Variants in DHRS7 observed in about 807,000 individuals in gnomAD.
DHRS7 encodes dehydrogenase/reductase SDR family member 7.
DHRS7 carries 34 observed loss-of-function variants against 38.9 expected under a neutral mutation model. That is an observed-to-expected ratio of 0.87 (90% CI 0.66 to 1.16). DHRS7 has a LOEUF of 1.16. Ranked by LOEUF, DHRS7 falls within the 50% of genes most tolerant of loss-of-function variation. The pLI, the probability that DHRS7 is intolerant of heterozygous loss-of-function variation, is 0.00. For synonymous variants in DHRS7, 158 were observed against 153.1 expected (o/e 1.03, Z -0.24); for missense variants, 421 against 407.0 (o/e 1.03, Z -0.30).
Position 60,148,313 on chromosome 14 carries a change from T to TA in DHRS7, c.972+1039dup, listed in dbSNP as rs1268991377. On this transcript the variant is annotated intron_variant, in intron 6 of 6. Transcript: ENST00000557185. This position sits in a 1 kb window ranked among gnomAD's most constrained non-coding sequence, Gnocchi z 4.8. ...CTGTCAATCCCCATTGATTAATTTC[T>TA]AAAAGAAGGTGGTAACAAAGTATAT... The TA allele has an allele frequency of 6.6e-6, 1 of 152,230 alleles. No homozygotes were observed. The highest frequency in any genetic ancestry group is 1.9e-4 in the East Asian group (1 of 5,202). 9.4% of individuals were successfully genotyped at this position (152,230 alleles called of 1,614,324 possible). A position where few individuals can be genotyped will look rare whatever the true frequency, so the allele number is the denominator to read the frequency against.
upstream of DHRS7, chr14:60,168,889 C>T: frequency 9.3e-7 from 1 of 1,079,560 alleles, no homozygotes; most frequent in Non-Finnish European, 1.3e-6. Flanking sequence ...AACACTTAGG[C>T]ATTGAAAGTG....
At chr14:60,159,715 C>G (rs1896725155) in intron 1 of DHRS7, among the ~76,000 whole-genome samples, 1 of 151,942 alleles carries the variant, frequency 6.6e-6, no homozygotes, top group Non-Finnish European at 1.5e-5. Context: ...GATTCATGTA[C>G]CCTATCCATC....
chr14:60,150,264 T>C (rs747221020), intron 4 of DHRS7, 77 bp from the exon 5 acceptor site: 244 of 1,354,354 alleles, frequency 1.8e-4, no homozygotes, highest in Non-Finnish European at 2.3e-4. Flanking sequence ...CAAAATATGT[T>C]CTAAAATGTG....
rs1349171699 is a variant in DHRS7 at position 60,144,800 on chromosome 14, T to A, written c.*166A>T. ...ACCTTTTTTGCAAGATTCATGGCAA[T>A]CTTTTATTATTTATTTTTTATTTCA... is the stretch of plus-strand genomic sequence containing the variant. On this transcript the variant is annotated 3_prime_UTR_variant, in exon 7 of 7. Transcript: ENST00000557185. 1 of 636,782 alleles carries A rather than the reference T, an allele frequency of 1.6e-6. No individual in the cohort carries two copies. The highest frequency in any genetic ancestry group is 2.7e-6 in the Non-Finnish European group (1 of 364,652). 39.4% of individuals were successfully genotyped at this position (636,782 alleles called of 1,614,324 possible). A position where few individuals can be genotyped will look rare whatever the true frequency, so the allele number is the denominator to read the frequency against.
chr14:60,165,227 G>A lies in DHRS7; in HGVS notation c.83C>T (p.Ala28Val). The change falls in exon 1 of 7, where the codon GCT (alanine) becomes GTT (valine). Residue 28 changes from alanine to valine, a missense_variant. By Grantham distance (64) the Ala-to-Val change is moderately conservative (BLOSUM62 0). Transcript: ENST00000557185. This position sits in a 1 kb window ranked among gnomAD's most constrained non-coding sequence, Gnocchi z 4.6. ...LLVQLLRFLR[A>V]DGDLTLLWAE... ...CCATAGTAGCGTCAGGTCGCCGTCA[G>A]CCCTCAGGAAGCGCAGCAGCTGCAC... 6.2e-7 allele frequency: 1 copy of A among 1,611,830 alleles called. No homozygotes were observed. The highest frequency in any genetic ancestry group is 8.5e-7 in the Non-Finnish European group (1 of 1,179,724).
Position 60,145,067 on chromosome 14 carries a change from T to C in DHRS7, c.973-54A>G, listed in dbSNP as rs565753300. ...AGTACCTACTCCTATTTACTCCAGT[T>C]TTTAACATTTAAGTCCTTCTGTTTT... On this transcript the variant is annotated intron_variant, in intron 6 of 6. Coordinates refer to ENST00000557185, the MANE Select transcript of DHRS7 (RefSeq NM_016029.4). The surrounding 1 kb of genome is among the most constrained non-coding windows in gnomAD (Gnocchi z 4.0). The C allele has an allele frequency of 1.0e-5, 13 of 1,267,084 alleles. No individual in the cohort carries two copies. In the Admixed American group the frequency reaches 2.6e-4, roughly 25 times the overall value. 78.5% of individuals were successfully genotyped at this position (1,267,084 alleles called of 1,614,324 possible).
chr14:60,155,932 C>T (rs1460173483), intron 2 of DHRS7, 68 bp downstream of exon 2: 1 of 1,360,466 alleles, frequency 7.4e-7, no homozygotes, highest in Non-Finnish European at 9.6e-7. Context: ...CTAAAAGTCC[C>T]AAAACTGTAT....
upstream of DHRS7, chr14:60,165,588 CATG>C: frequency 8.1e-7 from 1 of 1,230,780 alleles, no homozygotes; most frequent in Non-Finnish European, 1.0e-6. The surrounding 1 kb of genome is among the most constrained non-coding windows in gnomAD (Gnocchi z 4.6). Flanking sequence ...GCCTGGGCAA[CATG>C]AGGAAACCCT....
At chr14:60,149,826 A>G (rs1376730949) in intron 5 of DHRS7, among the ~76,000 whole-genome samples, 2 of 152,170 alleles carry the variant, frequency 1.3e-5, no homozygotes, top group South Asian at 2.1e-4. Context: ...TTAGAATTGC[A>G]TCACCCTAAT....
chr14:60,156,039 T>C lies in DHRS7; in HGVS notation c.247A>G (p.Arg83Gly). ...LGVSLVLSAR[R>G]VHELERVKRR... ...TTCACCCTTTCCAGCTCATGCACTC[T>C]TCTGGCTGACAGCACAAGAGAAACT... Residue 83 changes from arginine to glycine, a missense_variant, in exon 2 of 7, where the codon AGA becomes GGA. Coordinates refer to ENST00000557185, the MANE Select transcript of DHRS7 (RefSeq NM_016029.4). 6.2e-7 allele frequency: 1 copy of C among 1,601,378 alleles called. No homozygotes were observed. The highest frequency in any genetic ancestry group is 8.5e-7 in the Non-Finnish European group (1 of 1,174,102).
Position 60,160,981 on chromosome 14 carries a change from T to C in DHRS7, c.133+4196A>G, listed in dbSNP as rs543603134. ...ATATTTCTACTCAGCAGATTAACTT[T>C]TGCAAAATTCCTTAAGAATGTATTA... On this transcript the variant is annotated intron_variant, in intron 1 of 6. Transcript: ENST00000557185. 6.6e-5 allele frequency among the ~76,000 whole-genome samples: 10 copies of C among 152,286 alleles called. No individual in the cohort carries two copies. The South Asian group carries it at 2.1e-3, about 32-fold the overall frequency.
At chr14:60,165,421 C>A, upstream of DHRS7, 5 of 1,425,178 alleles carry the variant, frequency 3.5e-6, no homozygotes, top group Non-Finnish European at 4.6e-6. This position sits in a 1 kb window ranked among gnomAD's most constrained non-coding sequence, Gnocchi z 4.6. Context: ...GCCGCACTGC[C>A]CCGGCTCCGC....
At chr14:60,168,683 C>A (rs756974194), upstream of DHRS7, 138 of 1,546,506 alleles carry the variant, frequency 8.9e-5, no homozygotes, top group Non-Finnish European at 1.2e-4. Flanking sequence ...TTTTTTCTCC[C>A]CTCTCCAGCC....
At chr14:60,168,258 T>C (rs1896890850), upstream of DHRS7, among the ~76,000 whole-genome samples, 1 of 152,242 alleles carries the variant, frequency 6.6e-6, no homozygotes. Flanking sequence ...CACAGTATCT[T>C]GGGTCTCTTA....
upstream of DHRS7, among the ~76,000 whole-genome samples, chr14:60,165,783 C>G (rs1355705948): frequency 6.6e-6 from 1 of 152,140 alleles, no homozygotes; most frequent in Non-Finnish European, 1.5e-5. This position sits in a 1 kb window ranked among gnomAD's most constrained non-coding sequence, Gnocchi z 4.6. Context: ...AGAACATCCC[C>G]TTTTCAAGCT....
chr14:60,150,746 T>G (rs1022878818), intron 4 of DHRS7, among the ~76,000 whole-genome samples: 2 of 152,184 alleles, frequency 1.3e-5, no homozygotes, highest in African/African-American at 4.8e-5. Flanking sequence ...TTCCAAGTCT[T>G]TGCTATTGTG....
At position 60,144,830 on chromosome 14, in the gene DHRS7, A is replaced by G. The variant is rs1376011105; in HGVS notation, c.*136T>C. 1 of 745,898 alleles carries G rather than the reference A, an allele frequency of 1.3e-6. No homozygotes were observed. The highest frequency in any genetic ancestry group is 2.3e-5 in the Admixed American group (1 of 44,104). 46.2% of individuals were successfully genotyped at this position (745,898 alleles called of 1,614,324 possible). On this transcript the variant is annotated 3_prime_UTR_variant, in exon 7 of 7. Transcript: ENST00000557185. ...TATTATTTATTTTTTATTTCATTCCATGTTGGAAGCAAAGTCATATCTATT... is the reference window on the plus strand; with the variant it reads ...TATTATTTATTTTTTATTTCATTCCGTGTTGGAAGCAAAGTCATATCTATT...
chr14:60,165,339 A>C lies in DHRS7; in HGVS notation c.-30T>G, dbSNP rs992689690. 1.9e-6 allele frequency: 3 copies of C among 1,555,696 alleles called. No homozygotes were observed. In the African/African-American group the frequency reaches 4.1e-5, roughly 21 times the overall value. ...GCCGCGCACGCCCAGCTCGGGGGGA[A>C]GAAGACGGCCCGCACCAGAGTCGCG... On this transcript the variant is annotated 5_prime_UTR_variant, in exon 1 of 7. Transcript: ENST00000557185. The surrounding 1 kb of genome is among the most constrained non-coding windows in gnomAD (Gnocchi z 4.6).
upstream of DHRS7, chr14:60,165,680 C>T (rs986945859): frequency 1.4e-5 from 14 of 1,029,230 alleles, no homozygotes; most frequent in Non-Finnish European, 1.6e-5. The surrounding 1 kb of genome is among the most constrained non-coding windows in gnomAD (Gnocchi z 4.6). Context: ...TATTATACTA[C>T]GTTATTTCCT....
Sources: allele counts gnomAD v4.1 joint callset (sites outside exome capture counted in the v4.1 genomes callset), GRCh38; gene constraint gnomAD v4.1.1; non-coding constraint Gnocchi (gnomAD v3.1); transcripts MANE v1.5; gene names NCBI Gene and HGNC (gene_info 2026-07-23, HGNC 2026-07-21).